RHOT2: variants seen among roughly 807,000 people sequenced by gnomAD.
RHOT2 encodes mitochondrial Rho GTPase 2.
In RHOT2, 90 loss-of-function variants were observed where a neutral mutation model predicts 81.6. That is an observed-to-expected ratio of 1.10 (90% CI 0.93 to 1.31). The LOEUF is 1.31. Ranked by LOEUF, RHOT2 falls within the 40% of genes most tolerant of loss-of-function variation. RHOT2 has a pLI of 0.00. For synonymous variants in RHOT2, 512 were observed against 370.9 expected, an observed-to-expected ratio of 1.38 and a Z score of -4.37; for missense variants, 1,014 against 841.9, an observed-to-expected ratio of 1.20 and a Z score of -2.53.
chr16:670,666 T>C lies in RHOT2; in HGVS notation c.541-9T>C, dbSNP rs2038769381. 1 of 1,611,758 alleles carries C rather than the reference T, an allele frequency of 6.2e-7. No individual in the cohort carries two copies. Among genetic ancestry groups the C allele is most frequent in the South Asian group, 1.1e-5 (1 of 91,064 alleles). On this transcript the variant is annotated splice_polypyrimidine_tract_variant and intron_variant, in intron 8 of 18. Transcript: ENST00000315082. ...GTCACCTGAGGGTGCTGAGCCAACATCCCCACAGTTGAGGCCCGCGTGCGC... is the reference window on the plus strand; with the variant it reads ...GTCACCTGAGGGTGCTGAGCCAACACCCCCACAGTTGAGGCCCGCGTGCGC...
At chr16:669,129 T>TCA (rs1000866824) in intron 4 of RHOT2, 1 of 380,250 alleles carries the variant, frequency 2.6e-6, no homozygotes, top group Admixed American at 4.3e-5. Context: ...TTGGCACCCC[T>TCA]CACTGCGGTC....
chr16:669,136 G>A (rs984652820), intron 4 of RHOT2: 3 of 384,498 alleles, frequency 7.8e-6, no homozygotes, highest in Admixed American at 4.2e-5. Flanking sequence ...CCCTCACTGC[G>A]GTCCTGTCAC....
chr16:671,810 G>GGCCCCCC, intron 12 of RHOT2, 29 bp downstream of exon 12: 6 of 1,586,174 alleles, frequency 3.8e-6, no homozygotes, highest in South Asian at 2.2e-5. Flanking sequence ...CCCTGCCCCT[G>GGCCCCCC]CCCCCGCCCC....
In RHOT2 at chr16:670,853, G is replaced by T. The variant is rs778964718; in HGVS notation, c.640-39G>T. ...AGTGACTGGAACGGGTCGTCTCCGG[G>T]TGGCTGGCTGACTCCCAACAACGTT... On this transcript the variant is annotated intron_variant, in intron 9 of 18. Coordinates refer to ENST00000315082, the MANE Select transcript of RHOT2 (RefSeq NM_138769.3). 2.5e-6 allele frequency: 4 copies of T among 1,589,400 alleles called. No homozygotes were observed. In the South Asian group the frequency reaches 4.4e-5, roughly 18 times the overall value.
At position 672,116 on chromosome 16, in the gene RHOT2, T is replaced by G. The variant is rs1287634970; in HGVS notation, c.1130T>G (p.Leu377Arg). The G allele has an allele frequency of 2.5e-6, 4 of 1,610,970 alleles. No individual in the cohort carries two copies. Among genetic ancestry groups the G allele is most frequent in the Non-Finnish European group, 3.4e-6 (4 of 1,179,534 alleles). The change falls in exon 14 of 19, where the codon CTT becomes CGT. Residue 377 changes from leucine to arginine, a missense_variant. Transcript: ENST00000315082. ...ACCTACCTGGACGTCCGGAGCTGCC[T>G]TGGACACCTAGGCTACCTGGGCTAC... ...LVTYLDVRSC[L>R]GHLGYLGYPT...
chr16:669,682 G>A (rs983742612), intron 5 of RHOT2, 76 bp downstream of exon 5: 47 of 1,457,118 alleles, frequency 3.2e-5, no homozygotes, highest in South Asian at 1.9e-4. Context: ...CACCCAACCC[G>A]TGGCCAGTGC....
intron 12 of RHOT2, 29 bp downstream of exon 12, chr16:671,810 G>GGCCCCCCC: frequency 6.3e-7 from 1 of 1,586,222 alleles, no homozygotes; most frequent in Non-Finnish European, 8.6e-7. Context: ...CCCTGCCCCT[G>GGCCCCCCC]CCCCCGCCCC....
In RHOT2 at chr16:670,564, A is replaced by T. The variant is rs1343774577; in HGVS notation, c.540+7A>T. ...TGACCCTGAGGCCAAGCAGGTGAGC[A>T]TCGGCTGGGGCCCCGCACGCTGGTT... On this transcript the variant is annotated splice_region_variant and intron_variant, in intron 8 of 18. Transcript: ENST00000315082. The T allele has an allele frequency of 6.2e-7, 1 of 1,600,952 alleles. No homozygotes were observed. Among genetic ancestry groups the T allele is most frequent in the South Asian group, 1.1e-5 (1 of 89,556 alleles).
In RHOT2 at chr16:668,676, G is replaced by T. The variant is rs751126550; in HGVS notation, c.199G>T (p.Glu67Ter). 6.2e-7 allele frequency: 1 copy of T among 1,604,906 alleles called. No homozygotes were observed. ...DYSEAEQTDE[E>*]LREEIHKANV... Reference sequence around the variant, plus strand: ...CCTAGAAGCCGAGCAGACGGACGAGGAGCTGCGGGAGGAGATCCACAAGGT... The same window carrying T: ...CCTAGAAGCCGAGCAGACGGACGAGTAGCTGCGGGAGGAGATCCACAAGGT... The change falls in exon 4 of 19, where the codon GAG becomes TAG. Residue 67 changes from glutamate (E) to a stop codon, truncating the protein, a stop_gained. Coordinates refer to ENST00000315082, the MANE Select transcript of RHOT2 (RefSeq NM_138769.3). LOFTEE classifies it high-confidence loss of function.
intron 4 of RHOT2, 64 bp downstream of exon 4, chr16:668,763 C>T (rs1014499758): frequency 4.0e-6 from 6 of 1,503,264 alleles, no homozygotes; most frequent in Admixed American, 2.3e-5. Flanking sequence ...CGCTTCGCAG[C>T]CTGGGGGATT....
intron 5 of RHOT2, chr16:669,904 C>A (rs1379455498): frequency 8.1e-6 from 5 of 614,750 alleles, no homozygotes. Flanking sequence ...AGGCTTGGGC[C>A]CCAGTGACTT....
chr16:669,315 A>T, intron 4 of RHOT2: 1 of 573,570 alleles, frequency 1.7e-6, no homozygotes, highest in East Asian at 3.0e-5. Flanking sequence ...GGCGGGGAAG[A>T]GGCTTCTCTG....
At position 671,061 on chromosome 16, in the gene RHOT2, C is replaced by G. The variant is rs568003456; in HGVS notation, c.749-22C>G. The stretch of plus-strand genomic sequence containing the variant: ...GGGGAGGGGGCTGTGCCTGGTGCTC[C>G]CCCTGCTTTGTCTCGGTGCAGGTTT... On this transcript the variant is annotated intron_variant, in intron 10 of 18. Transcript: ENST00000315082. 3.1e-6 allele frequency: 5 copies of G among 1,608,846 alleles called. No homozygotes were observed. In the South Asian group the frequency reaches 4.4e-5, roughly 14 times the overall value.
intron 4 of RHOT2, chr16:669,167 A>C: frequency 2.6e-6 from 1 of 388,438 alleles, no homozygotes; most frequent in Non-Finnish European, 4.7e-6. Context: ...GCGAGGGGGG[A>C]GGCAGGGGCC....
rs1015083627 is a variant in RHOT2 at position 669,455 on chromosome 16, C to T, written c.223-98C>T. 8 of 1,246,438 alleles carry T rather than the reference C, an allele frequency of 6.4e-6. No individual in the cohort carries two copies. In the African/African-American group the frequency reaches 8.9e-5, roughly 14 times the overall value. 77.2% of individuals were successfully genotyped at this position (1,246,438 alleles called of 1,614,324 possible). A position where few individuals can be genotyped will look rare whatever the true frequency, so the allele number is the denominator to read the frequency against. ...CTGCACCCATGCTACCTGTGAGCTT[C>T]TGGGGCCTCCTGGAGCCTCGAGATG... On this transcript the variant is annotated intron_variant, in intron 4 of 18. Coordinates refer to ENST00000315082, the MANE Select transcript of RHOT2 (RefSeq NM_138769.3).
chr16:668,645 T>C lies in RHOT2; in HGVS notation c.179-11T>C, dbSNP rs779773071. 6.2e-7 allele frequency: 1 copy of C among 1,608,064 alleles called. No homozygotes were observed. The highest frequency in any genetic ancestry group is 1.1e-5 in the South Asian group (1 of 90,320). On this transcript the variant is annotated splice_polypyrimidine_tract_variant and intron_variant, in intron 3 of 18. Transcript: ENST00000315082. Reference sequence around the variant, plus strand: ...TGCTGGGTCCGCAGTGGAGTCTCTTTGTCCCCCTAGAAGCCGAGCAGACGG... The same window carrying C: ...TGCTGGGTCCGCAGTGGAGTCTCTTCGTCCCCCTAGAAGCCGAGCAGACGG...
In RHOT2 at chr16:674,131, G is replaced by A. The variant is rs538735828; in HGVS notation, c.*525G>A. The A allele has an allele frequency of 1.9e-4, 40 of 209,182 alleles. No individual in the cohort carries two copies. Among genetic ancestry groups the A allele is most frequent in the Non-Finnish European group, 3.5e-4 (35 of 99,622 alleles). 13.0% of individuals were successfully genotyped at this position (209,182 alleles called of 1,614,324 possible). On this transcript the variant is annotated 3_prime_UTR_variant, in exon 19 of 19. Coordinates refer to ENST00000315082, the MANE Select transcript of RHOT2 (RefSeq NM_138769.3). ...AACTTCACTGTGTGTTTTCTATCTC[G>A]GATCCCAGTCTCTGAAGACAACTTG...
chr16:673,706 C>A lies in RHOT2; in HGVS notation c.*100C>A. 1 of 1,444,460 alleles carries A rather than the reference C, an allele frequency of 6.9e-7. No homozygotes were observed. Among genetic ancestry groups the A allele is most frequent in the African/African-American group, 1.4e-5 (1 of 69,558 alleles). The allele number at this position is 1,444,460 out of a possible 1,614,324, so 89.5% of individuals were successfully genotyped here. A position where few individuals can be genotyped will look rare whatever the true frequency, so the allele number is the denominator to read the frequency against. On this transcript the variant is annotated 3_prime_UTR_variant, in exon 19 of 19. Transcript: ENST00000315082. ...TGGGGTGCAGGCCAGGCTGCCACTC[C>A]GGGAACGCCTTTGCGCCGGGACTTT... is the stretch of plus-strand genomic sequence containing the variant.
At chr16:669,185 C>G (rs111695663) in intron 4 of RHOT2, 2 of 406,286 alleles carry the variant, frequency 4.9e-6, no homozygotes, top group African/African-American at 4.1e-5. Flanking sequence ...GCCAAGGCGG[C>G]GGCTGTCTTG....
Sources: allele counts gnomAD v4.1 joint callset, GRCh38; gene constraint gnomAD v4.1.1; transcripts MANE v1.5; gene names NCBI Gene and HGNC (gene_info 2026-07-23, HGNC 2026-07-21).